NAV1: variants seen among roughly 807,000 people sequenced by gnomAD.
NAV1 encodes the protein neuron navigator 1, also known as pore membrane and/or filament interacting like protein 3.
In NAV1, 18 loss-of-function variants were observed where a neutral mutation model predicts 175.2. The ratio of observed to expected loss-of-function variants is 0.10; its 90% CI spans 0.07 to 0.15. The LOEUF is 0.15. NAV1 is among the 10% of genes least tolerant of loss of function. The pLI is 1.00. For synonymous variants in NAV1, 897 were observed against 978.7 expected (o/e 0.92, Z 1.56); for missense variants, 1,731 against 2,436.6 (o/e 0.71, Z 6.10).
At chr1:201,667,420 A>T (rs564639891) in intron 1 of NAV1, among the ~76,000 whole-genome samples, 6 of 152,192 alleles carry the variant, frequency 3.9e-5, no homozygotes, top group Non-Finnish European at 8.8e-5. Flanking sequence ...TGTCAGAGCC[A>T]GGTGGGATCA....
At position 201,648,425 on chromosome 1, in the gene NAV1, C is replaced by T. The variant is rs1053859080; in HGVS notation, c.-244C>T. On this transcript the variant is annotated 5_prime_UTR_variant, in exon 1 of 30. Transcript: ENST00000367296. ...TCCTCCGACCCCGCCCTATCGCTCC[C>T]CGGCTTCCCTGCTCTTTCCTTTTTC... is the stretch of plus-strand genomic sequence containing the variant. The T allele has an allele frequency of 2.0e-4, 251 of 1,230,308 alleles. 2 individuals are homozygous for T. Among genetic ancestry groups the T allele is most frequent in the Non-Finnish European group, 2.3e-4 (227 of 988,470 alleles). 76.2% of individuals were successfully genotyped at this position (1,230,308 alleles called of 1,614,324 possible).
intron 15 of NAV1, among the ~76,000 whole-genome samples, chr1:201,799,196 G>GTGTGGA (rs1553277504): frequency 2.0e-5 from 3 of 151,384 alleles, no homozygotes; most frequent in Admixed American, 6.6e-5. Context: ...GTGTGTGTGT[G>GTGTGGA]GAGAGAGAGA....
chr1:201,690,247 C>A (rs1670856291), intron 1 of NAV1, among the ~76,000 whole-genome samples: 1 of 112,642 alleles, frequency 8.9e-6, no homozygotes, highest in African/African-American at 3.2e-5. Context: ...TCTGGCCTGT[C>A]CGTGGCAGAG....
intron 1 of NAV1, among the ~76,000 whole-genome samples, chr1:201,710,862 C>T (rs1467483037): frequency 6.6e-6 from 1 of 152,296 alleles, no homozygotes; most frequent in South Asian, 2.1e-4. Flanking sequence ...CTCTGAGTAA[C>T]TCTTGATCAC....
chr1:201,579,799 A>G (rs984246085), intron 1 of NAV1, among the ~76,000 whole-genome samples: 1 of 152,214 alleles, frequency 6.6e-6, no homozygotes, highest in Admixed American at 6.5e-5. Flanking sequence ...AAACAGACCG[A>G]TAAGATATAA....
At chr1:201,582,571 G>T (rs887234099) in intron 1 of NAV1, among the ~76,000 whole-genome samples, 1 of 152,212 alleles carries the variant, frequency 6.6e-6, no homozygotes, top group Non-Finnish European at 1.5e-5. Context: ...GAATCAGCCA[G>T]CCAGCTCCCC....
intron 3 of NAV1, among the ~76,000 whole-genome samples, chr1:201,771,423 C>T (rs1303801873): frequency 1.4e-5 from 2 of 147,292 alleles, no homozygotes; most frequent in Non-Finnish European, 1.5e-5. Flanking sequence ...TGCTTGAACC[C>T]GGGAGGCGGA....
Position 201,624,981 on chromosome 1 carries a change from A to T in NAV1, c.-101+1375A>T, listed in dbSNP as rs183722234. On this transcript the variant is annotated intron_variant, in intron 1 of 29. Transcript: ENST00000367302. ...TGTATCTTAATCTCTGAAAAATTGAATGCAATTTAATATTACAGGACTAGG... is the reference window on the plus strand; with the variant it reads ...TGTATCTTAATCTCTGAAAAATTGATTGCAATTTAATATTACAGGACTAGG... Among the ~76,000 whole-genome samples, 6 of 152,304 alleles carry T rather than the reference A, an allele frequency of 3.9e-5. 1 individual carries two copies. The East Asian group carries it at 1.2e-3, about 29-fold the overall frequency.
At chr1:201,804,578 C>CCA in intron 17 of NAV1, 81 bp downstream of exon 21, 18 of 814,084 alleles carry the variant, frequency 2.2e-5, no homozygotes, top group South Asian at 1.2e-4. Context: ...CTCCCTTCCC[C>CCA]TAAAAAAAAA....
intron 1 of NAV1, among the ~76,000 whole-genome samples, chr1:201,682,501 C>T (rs188016444): frequency 1.3e-5 from 2 of 152,270 alleles, no homozygotes; most frequent in East Asian, 3.9e-4. Context: ...GGCAGTGTCA[C>T]TCATTATCTT....
At chr1:201,721,952 A>G (rs79419032) in intron 3 of NAV1, among the ~76,000 whole-genome samples, 1,722 of 152,302 alleles carry the variant, frequency 0.011, 56 homozygotes, top group East Asian at 0.11. Flanking sequence ...GGCCCCTTTC[A>G]GGTCATTAGT....
At chr1:201,603,101 A>C (rs1184706540) in intron 2 of NAV1, among the ~76,000 whole-genome samples, 1 of 152,232 alleles carries the variant, frequency 6.6e-6, no homozygotes, top group Non-Finnish European at 1.5e-5. Context: ...TGAGACAGTT[A>C]TCTTCTCAGT....
At chr1:201,815,958 G>A (rs929213286) in intron 28 of NAV1, among the ~76,000 whole-genome samples, 7 of 152,002 alleles carry the variant, frequency 4.6e-5, no homozygotes, top group Non-Finnish European at 7.4e-5. Context: ...GGCTGGTCTC[G>A]AACTCCCAGC....
chr1:201,778,021 T>A (rs1386848736), intron 3 of NAV1, among the ~76,000 whole-genome samples: 1 of 152,158 alleles, frequency 6.6e-6, no homozygotes, highest in East Asian at 1.9e-4. Flanking sequence ...TTAACTCTCA[T>A]GTAATGACAA....
intron 1 of NAV1, among the ~76,000 whole-genome samples, chr1:201,578,695 A>G (rs888530832): frequency 6.6e-6 from 1 of 152,194 alleles, no homozygotes; most frequent in Admixed American, 6.5e-5. Flanking sequence ...GGTGAACTCT[A>G]GGCTCCCCAC....
At chr1:201,567,346 G>A (rs1285770763) in intron 1 of NAV1, among the ~76,000 whole-genome samples, 1 of 152,234 alleles carries the variant, frequency 6.6e-6, no homozygotes, top group Non-Finnish European at 1.5e-5. Flanking sequence ...GGCCAGAGGG[G>A]CCTTGTCCTG....
chr1:201,579,642 C>T (rs1445151942), intron 1 of NAV1, among the ~76,000 whole-genome samples: 1 of 152,200 alleles, frequency 6.6e-6, no homozygotes, highest in African/African-American at 2.4e-5. Context: ...AGACATGAGC[C>T]ACTGTGCTTG....
chr1:201,547,983 G>A (rs909067313), intron 1 of NAV1, among the ~76,000 whole-genome samples: 4 of 152,140 alleles, frequency 2.6e-5, no homozygotes, highest in East Asian at 3.9e-4. Context: ...CAGTAGAGAC[G>A]GGGTTCCACC....
chr1:201,691,016 A>G (rs1449670350), intron 1 of NAV1, among the ~76,000 whole-genome samples: 1 of 152,190 alleles, frequency 6.6e-6, no homozygotes, highest in East Asian at 1.9e-4. Context: ...CCAGGAAGTG[A>G]AGCTTGGGGA....
Sources: allele counts gnomAD v4.1 joint callset (sites outside exome capture counted in the v4.1 genomes callset), GRCh38; gene constraint gnomAD v4.1.1; transcripts MANE v1.5; gene names NCBI Gene and HGNC (gene_info 2026-07-23, HGNC 2026-07-21).